MCUR1: variants seen among roughly 807,000 people sequenced by gnomAD.
MCUR1 encodes the protein mitochondrial calcium uniporter regulator 1, also known as MCU regulator 1.
Under a neutral mutation model 42.0 loss-of-function variants are expected in MCUR1, and 37 were observed. The ratio of observed to expected loss-of-function variants is 0.88; its 90% CI spans 0.68 to 1.16. MCUR1 has a LOEUF of 1.16. MCUR1 is among the 50% of genes most tolerant of loss of function. The pLI is 0.00. For missense variants in MCUR1, 469 were observed against 468.4 expected (o/e 1.00, Z -0.01); for synonymous variants, 229 against 196.2 (o/e 1.17, Z -1.40).
At position 13,814,424 on chromosome 6, in the gene MCUR1, G is replaced by A. The variant is rs764289377; in HGVS notation, c.6C>T (p.Asp2=). 1.4e-5 allele frequency: 21 copies of A among 1,536,818 alleles called. No individual in the cohort carries two copies. Among genetic ancestry groups the A allele is most frequent in the Non-Finnish European group, 1.8e-5 (21 of 1,152,402 alleles). M[D]CGSVGGQRTQ... is the part of the protein sequence containing the mutation. ...TCCTCTGGCCGCCGACCGAGCCGCA[G>A]TCCATCCCCGAGCAGTTCACTGGCC... Residue 2 remains aspartate, a synonymous_variant, in exon 1 of 9, where the codon GAC becomes GAT. Coordinates refer to ENST00000379170, the MANE Select transcript of MCUR1 (RefSeq NM_001031713.4).
In MCUR1 at chr6:13,786,716, A is replaced by G. The variant is rs1759610865; in HGVS notation, c.*4093T>C. ...ATTCAATTTGAATGATCAGAAAAGT[A>G]TATTAGTCACACAGAATTAAATATT... is the stretch of plus-strand genomic sequence containing the variant. On this transcript the variant is annotated 3_prime_UTR_variant, in exon 9 of 9. Transcript: ENST00000379170. 1.3e-5 allele frequency: 2 copies of G among 152,226 alleles called. No individual in the cohort carries two copies. The highest frequency in any genetic ancestry group is 2.4e-5 in the African/African-American group (1 of 41,468). The allele number at this position is 152,226 out of a possible 1,614,324, so 9.4% of individuals were successfully genotyped here. A position where few individuals can be genotyped will look rare whatever the true frequency, so the allele number is the denominator to read the frequency against.
chr6:13,806,913 A>T lies in MCUR1; in HGVS notation c.535+12T>A, dbSNP rs1760122465. On this transcript the variant is annotated intron_variant, in intron 2 of 8. Transcript: ENST00000379170. ...TTTCTAAGGCACTAAATGACGAATG[A>T]CAGAGGATTACCATTGTCTTCCAGT... 1 of 1,581,204 alleles carries T rather than the reference A, an allele frequency of 6.3e-7. No individual in the cohort carries two copies. Among genetic ancestry groups the T allele is most frequent in the Non-Finnish European group, 8.6e-7 (1 of 1,159,354 alleles).
chr6:13,794,767 T>C (rs1031070567), intron 6 of MCUR1, among the ~76,000 whole-genome samples: 2 of 152,026 alleles, frequency 1.3e-5, no homozygotes, highest in African/African-American at 2.4e-5. Context: ...TCTCCTGCCT[T>C]AGCCTCCTGC....
In MCUR1 at chr6:13,793,885, G is replaced by T. The variant is rs766061922; in HGVS notation, c.909+9C>A. The stretch of plus-strand genomic sequence containing the variant: ...AAAGACAAAGAAAAATCACAGTCTT[G>T]TTTCTTACCAATGCCACTATTTCTG... On this transcript the variant is annotated intron_variant, in intron 7 of 8. Transcript: ENST00000379170. 16 of 1,612,092 alleles carry T rather than the reference G, an allele frequency of 9.9e-6. No individual in the cohort carries two copies. In the African/African-American group the frequency reaches 1.2e-4, roughly 12 times the overall value.
chr6:13,805,874 TA>T (rs1760101634), intron 2 of MCUR1, among the ~76,000 whole-genome samples: 1 of 152,232 alleles, frequency 6.6e-6, no homozygotes, highest in African/African-American at 2.4e-5. Flanking sequence ...ATTCTAAGTC[TA>T]AAGTGCATTT....
At chr6:13,811,946 G>C (rs529390793) in intron 1 of MCUR1, among the ~76,000 whole-genome samples, 1 of 152,048 alleles carries the variant, frequency 6.6e-6, no homozygotes, top group Admixed American at 6.6e-5. Context: ...CTGAAAGGTC[G>C]ACAGAAGGGC....
Position 13,790,642 on chromosome 6 carries a change from G to A in MCUR1, c.*167C>T, listed in dbSNP as rs1053159761. ...AATGTTTTAATTTTTTAGTAGAGAC[G>A]GGGTTTCACCGTGTTGGCCAGGCTG... is the stretch of plus-strand genomic sequence containing the variant. On this transcript the variant is annotated 3_prime_UTR_variant, in exon 9 of 9. Transcript: ENST00000379170. 21 of 435,270 alleles carry A rather than the reference G, an allele frequency of 4.8e-5. No individual in the cohort carries two copies. The highest frequency in any genetic ancestry group is 1.6e-4 in the East Asian group (3 of 19,332). 27.0% of individuals were successfully genotyped at this position (435,270 alleles called of 1,614,324 possible).
chr6:13,807,112 G>A (rs1760128035), intron 1 of MCUR1, 68 bp from the exon 2 acceptor site: 1 of 1,512,066 alleles, frequency 6.6e-7, no homozygotes, highest in Non-Finnish European at 8.9e-7. Flanking sequence ...AGCACCCAGA[G>A]AAAATAAGGC....
rs2113488251 is a variant in MCUR1, at chr6:13,814,350, A to G, written c.80T>C (p.Leu27Pro). 6.6e-7 allele frequency: 1 copy of G among 1,518,044 alleles called. No individual in the cohort carries two copies. The highest frequency in any genetic ancestry group is 2.6e-5 in the East Asian group (1 of 37,822). 94.0% of individuals were successfully genotyped at this position (1,518,044 alleles called of 1,614,324 possible). Residue 27 changes from leucine to proline, a missense_variant, in exon 1 of 9, where the codon CTC becomes CCC. By Grantham distance (98) the Leu-to-Pro change is moderately conservative. Transcript: ENST00000379170. ...TTCGCTGCCGCCCGGTCTTCCGCTG[A>G]GGCCCACGGGCAAGAAGAGAAGCCG... ...RQRLLFLPVG[L>P]SGRPGGSETS...
Position 13,814,345 on chromosome 6 carries a change from C to T in MCUR1, c.85G>A (p.Gly29Arg), listed in dbSNP as rs1760323153. The T allele has an allele frequency of 4.6e-6, 7 of 1,515,400 alleles. 1 individual carries two copies. In the South Asian group the frequency reaches 7.3e-5, roughly 16 times the overall value. 93.9% of individuals were successfully genotyped at this position (1,515,400 alleles called of 1,614,324 possible). Residue 29 changes from glycine to arginine, a missense_variant, in exon 1 of 9, where the codon GGA becomes AGA. Physicochemically the swap from Gly to Arg is moderately radical, Grantham distance 125. Transcript: ENST00000379170. ...RLLFLPVGLS[G>R]RPGGSETSAR... ...GAGGTTTCGCTGCCGCCCGGTCTTCCGCTGAGGCCCACGGGCAAGAAGAGA... is the reference window on the plus strand; with the variant it reads ...GAGGTTTCGCTGCCGCCCGGTCTTCTGCTGAGGCCCACGGGCAAGAAGAGA...
At chr6:13,806,472 A>G (rs1760114192) in intron 2 of MCUR1, among the ~76,000 whole-genome samples, 1 of 152,260 alleles carries the variant, frequency 6.6e-6, no homozygotes, top group Non-Finnish European at 1.5e-5. Flanking sequence ...CTGTACTTCC[A>G]TGGTGATGTT....
chr6:13,807,178 C>A, intron 1 of MCUR1, 134 bp from the exon 2 acceptor site: 1 of 947,774 alleles, frequency 1.1e-6, no homozygotes. Flanking sequence ...ATACAATTCA[C>A]CCAATTTCAA....
intron 2 of MCUR1, among the ~76,000 whole-genome samples, chr6:13,802,784 T>G (rs1760019324): frequency 6.6e-6 from 1 of 152,228 alleles, no homozygotes. Flanking sequence ...GGACAATATT[T>G]CTTTAATTTT....
chr6:13,813,919 G>A (rs1446015512), intron 1 of MCUR1, 96 bp downstream of exon 1: 2 of 1,190,640 alleles, frequency 1.7e-6, no homozygotes, highest in Middle Eastern at 2.3e-4. Context: ...CCTCCGGCCT[G>A]CCGGGCCTTT....
chr6:13,786,982 G>A lies in MCUR1; in HGVS notation c.*3827C>T, dbSNP rs1584979555. 1 of 152,124 alleles carries A rather than the reference G, an allele frequency of 6.6e-6. No individual in the cohort carries two copies. The highest frequency in any genetic ancestry group is 1.9e-4 in the East Asian group (1 of 5,198). 9.4% of individuals were successfully genotyped at this position (152,124 alleles called of 1,614,324 possible). ...TTTTGCCTTAGTGCCAAAAAAGCCA[G>A]AACAAATTTGATAAGCTCACATTAA... is the stretch of plus-strand genomic sequence containing the variant. On this transcript the variant is annotated 3_prime_UTR_variant, in exon 9 of 9. Transcript: ENST00000379170.
chr6:13,808,773 CTT>C (rs1311721572), intron 1 of MCUR1, among the ~76,000 whole-genome samples: 3 of 152,150 alleles, frequency 2.0e-5, no homozygotes, highest in African/African-American at 7.2e-5. Flanking sequence ...ACTGAAATGT[CTT>C]GTCACTCTTG....
At chr6:13,806,201 G>A (rs1045803948) in intron 2 of MCUR1, among the ~76,000 whole-genome samples, 3 of 151,918 alleles carry the variant, frequency 2.0e-5, no homozygotes, top group Non-Finnish European at 2.9e-5. Flanking sequence ...GCAGTGAGCC[G>A]AGATCGCGCC....
At chr6:13,811,519 G>T (rs919677232) in intron 1 of MCUR1, among the ~76,000 whole-genome samples, 12 of 152,024 alleles carry the variant, frequency 7.9e-5, no homozygotes, top group Admixed American at 5.2e-4. Flanking sequence ...ACTAAAACTG[G>T]CCTCCATGAG....
rs938429836 is a variant in MCUR1 at position 13,787,299 on chromosome 6, G to A, written c.*3510C>T. 4 of 152,150 alleles carry A rather than the reference G, an allele frequency of 2.6e-5. No individual in the cohort carries two copies. The highest frequency in any genetic ancestry group is 3.8e-4 in the East Asian group (2 of 5,196). 9.4% of individuals were successfully genotyped at this position (152,150 alleles called of 1,614,324 possible). A position where few individuals can be genotyped will look rare whatever the true frequency, so the allele number is the denominator to read the frequency against. On this transcript the variant is annotated 3_prime_UTR_variant, in exon 9 of 9. Transcript: ENST00000379170. The stretch of plus-strand genomic sequence containing the variant: ...TTCTGTTTTTCAAGTGTTCAGAGAC[G>A]AATTCCAGCAAGACTTCTGGTTTGA...
Sources: gnomAD v4.1 joint callset for allele counts (sites outside exome capture counted in the v4.1 genomes callset) on GRCh38, gnomAD v4.1.1 for gene constraint, MANE v1.5 for transcripts, NCBI Gene and HGNC (gene_info 2026-07-23, HGNC 2026-07-21) for gene names.